Variants in INVS observed in about 807,000 individuals in gnomAD.
INVS encodes inversion of embryo turning homolog.
INVS carries 86 observed loss-of-function variants against 108.8 expected under a neutral mutation model. The ratio of observed to expected loss-of-function variants is 0.79; its 90% confidence interval spans 0.66 to 0.95. The LOEUF is 0.95. Ranked by LOEUF, INVS falls within the 40% of genes least tolerant of loss-of-function variation. The pLI is 0.00. For synonymous variants in INVS, 455 were observed against 473.5 expected, an observed-to-expected ratio of 0.96 and a Z score of 0.51; for missense variants, 1,169 against 1,297.4, an observed-to-expected ratio of 0.90 and a Z score of 1.52.
chr9:100,179,596 TC>T (rs1275496853), intron 3 of INVS, among the ~76,000 whole-genome samples: 24 of 151,862 alleles, frequency 1.6e-4, no homozygotes, highest in African/African-American at 5.8e-4. Context: ...GAGCTAAATA[TC>T]CTAAATATAT....
chr9:100,258,170 T>A (rs1410803235), intron 10 of INVS, among the ~76,000 whole-genome samples: 1 of 152,238 alleles, frequency 6.6e-6, no homozygotes, highest in Non-Finnish European at 1.5e-5. Context: ...CAATCACTGA[T>A]ACCCTTTCTT....
chr9:100,233,477 G>A (rs1437738124), intron 5 of INVS, among the ~76,000 whole-genome samples: 1 of 152,094 alleles, frequency 6.6e-6, no homozygotes, highest in African/African-American at 2.4e-5. Context: ...TTCCAGTTTT[G>A]CCAATTCATT....
intron 3 of INVS, among the ~76,000 whole-genome samples, chr9:100,171,367 T>C (rs1236900257): frequency 1.3e-5 from 2 of 152,144 alleles, no homozygotes; most frequent in African/African-American, 4.8e-5. Flanking sequence ...GGTTATACCA[T>C]ATAGCCTAGG....
intron 12 of INVS, among the ~76,000 whole-genome samples, chr9:100,274,457 C>T (rs1205706284): frequency 6.6e-6 from 1 of 152,198 alleles, no homozygotes; most frequent in Non-Finnish European, 1.5e-5. Flanking sequence ...AGCAGTGCAT[C>T]ACATTAGCAA....
chr9:100,102,161 T>C (rs1411048239), intron 1 of INVS: 1 of 152,118 alleles, frequency 6.6e-6, no homozygotes, highest in Non-Finnish European at 1.5e-5. Flanking sequence ...TGGCATGATC[T>C]TGGCTCACTG....
chr9:100,197,630 T>C (rs1830416429), intron 3 of INVS, among the ~76,000 whole-genome samples: 1 of 152,142 alleles, frequency 6.6e-6, no homozygotes, highest in Non-Finnish European at 1.5e-5. Context: ...TGGATAGGCA[T>C]GATTAACAAC....
chr9:100,259,275 G>A (rs576099807), intron 10 of INVS, among the ~76,000 whole-genome samples: 17 of 152,238 alleles, frequency 1.1e-4, no homozygotes, highest in South Asian at 6.2e-4. Flanking sequence ...TGGAAAAAGC[G>A]CAGTATTAGG....
chr9:100,118,573 A>G (rs1004961648), intron 2 of INVS, among the ~76,000 whole-genome samples: 1 of 152,138 alleles, frequency 6.6e-6, no homozygotes, highest in Non-Finnish European at 1.5e-5. Flanking sequence ...TGAACTGACT[A>G]ACATACAAAA....
At chr9:100,175,565 G>A (rs1233679013) in intron 3 of INVS, 1 of 722,280 alleles carries the variant, frequency 1.4e-6, no homozygotes, top group African/African-American at 1.7e-5. Flanking sequence ...TTAAGACTTG[G>A]TTCCAGAACC....
At chr9:100,173,176 C>T (rs887725179) in intron 3 of INVS, among the ~76,000 whole-genome samples, 1 of 152,116 alleles carries the variant, frequency 6.6e-6, no homozygotes, top group Non-Finnish European at 1.5e-5. Context: ...ATCAGCCCTC[C>T]AGTAGATAAC....
chr9:100,150,774 C>T (rs796876415), intron 3 of INVS, among the ~76,000 whole-genome samples: 16 of 152,196 alleles, frequency 1.1e-4, no homozygotes, highest in African/African-American at 2.2e-4. Flanking sequence ...CACTTGGGCA[C>T]GACATTTTTC....
chr9:100,269,905 G>GCTGA (rs1832900093), intron 11 of INVS, among the ~76,000 whole-genome samples: 1 of 152,152 alleles, frequency 6.6e-6, no homozygotes, highest in Non-Finnish European at 1.5e-5. Flanking sequence ...AACAATCAGA[G>GCTGA]CTGACATTTA....
Position 100,298,015 on chromosome 9 carries a change from G to A in INVS, c.3091+5G>A, listed in dbSNP as rs1256958352. On this transcript the variant is annotated splice_donor_5th_base_variant and intron_variant, in intron 16 of 16. Transcript: ENST00000262457. Reference sequence around the variant, plus strand: ...CTGTGCTGCGTCTCAACTCAGGTAAGGCAGCCACTGCAAAGCAGATGGTGG... The same window carrying A: ...CTGTGCTGCGTCTCAACTCAGGTAAAGCAGCCACTGCAAAGCAGATGGTGG... 1.9e-6 allele frequency: 3 copies of A among 1,614,140 alleles called. No homozygotes were observed. Among genetic ancestry groups the A allele is most frequent in the East Asian group, 2.2e-5 (1 of 44,880 alleles).
At chr9:100,157,670 GT>G (rs910555515) in intron 3 of INVS, among the ~76,000 whole-genome samples, 3 of 152,078 alleles carry the variant, frequency 2.0e-5, no homozygotes, top group Admixed American at 2.0e-4. Context: ...TCTGAAAAAA[GT>G]TCAAAAACAG....
At position 100,200,281 on chromosome 9, in the gene INVS, T is replaced by G. The variant is rs140268239; in HGVS notation, c.274-25781T>G. ...GCTAATTCCAACATCTGGGTTATCT[T>G]AAGATATCTTTATTTTGGTTTTTTT... On this transcript the variant is annotated intron_variant, in intron 3 of 16. Coordinates refer to ENST00000262457, the MANE Select transcript of INVS (RefSeq NM_014425.5). Among the ~76,000 whole-genome samples the G allele has an allele frequency of 4.2e-4, 64 of 152,334 alleles. No homozygotes were observed. In the East Asian group the frequency reaches 0.012, roughly 28 times the overall value.
chr9:100,146,075 C>T (rs1828600795), intron 3 of INVS, among the ~76,000 whole-genome samples: 2 of 137,628 alleles, frequency 1.5e-5, no homozygotes, highest in South Asian at 2.1e-4. Flanking sequence ...GGATTGATCT[C>T]CCAAGGGAGG....
At chr9:100,259,129 C>G (rs1216718584) in intron 10 of INVS, among the ~76,000 whole-genome samples, 1 of 152,196 alleles carries the variant, frequency 6.6e-6, no homozygotes, top group Admixed American at 6.5e-5. Context: ...GGCGGACGCC[C>G]CTCCCCCAGC....
intron 3 of INVS, among the ~76,000 whole-genome samples, chr9:100,198,572 T>C (rs1308672861): frequency 2.0e-5 from 3 of 151,206 alleles, no homozygotes; most frequent in African/African-American, 7.3e-5. Flanking sequence ...ATTACAGACA[T>C]GAAGATGTGA....
intron 10 of INVS, among the ~76,000 whole-genome samples, chr9:100,253,865 G>T (rs377300805): frequency 1.3e-5 from 2 of 152,046 alleles, no homozygotes; most frequent in Non-Finnish European, 2.9e-5. Flanking sequence ...GAATAGTGCC[G>T]CAATAAACAT....
Sources: allele counts gnomAD v4.1 joint callset (sites outside exome capture counted in the v4.1 genomes callset), GRCh38; gene constraint gnomAD v4.1.1; transcripts MANE v1.5; gene names NCBI Gene and HGNC (gene_info 2026-07-23, HGNC 2026-07-21).